LMF1: variants seen among roughly 807,000 people sequenced by gnomAD.
The protein encoded by LMF1 is lipase maturation factor 1.
In LMF1, 68 loss-of-function variants were observed where a neutral mutation model predicts 60.6. That is an observed-to-expected ratio of 1.12 (90% CI 0.92 to 1.37). The LOEUF (loss-of-function observed/expected upper bound fraction) is 1.37, where lower values mean the gene tolerates loss of function less well. LMF1 is among the 40% of genes most tolerant of loss of function. The pLI is 0.00. For missense variants in LMF1, 948 were observed against 767.2 expected, an observed-to-expected ratio of 1.24 and a Z score of -2.78; for synonymous variants, 418 against 324.7, an observed-to-expected ratio of 1.29 and a Z score of -3.09.
intron 2 of LMF1, among the ~76,000 whole-genome samples, chr16:951,905 G>A (rs1253692453): frequency 6.6e-6 from 1 of 152,250 alleles, no homozygotes; most frequent in Non-Finnish European, 1.5e-5. Context: ...GATGTGCGGG[G>A]GAGGTGCGTC....
At chr16:908,850 G>A (rs938868612) in intron 4 of LMF1, among the ~76,000 whole-genome samples, 1 of 152,246 alleles carries the variant, frequency 6.6e-6, no homozygotes, top group African/African-American at 2.4e-5. Flanking sequence ...GTGACATTGC[G>A]GACGGGTGCC....
chr16:916,960 T>G (rs1189429629), intron 3 of LMF1, among the ~76,000 whole-genome samples: 1 of 152,180 alleles, frequency 6.6e-6, no homozygotes, highest in Non-Finnish European at 1.5e-5. Flanking sequence ...AATATTGAGC[T>G]CCGGGTCTGT....
chr16:859,153 CAGTGGTGTCTCGGGACGGGTGTG>C (rs1567135669), intron 10 of LMF1, among the ~76,000 whole-genome samples: 56 of 79,180 alleles, frequency 7.1e-4, no homozygotes, highest in African/African-American at 2.2e-3. Context: ...GACGGGTGTG[CAGTGGTGTCTCGGGACGGGTGTG>C]AGTGGTGTCT....
chr16:892,615 A>G (rs2070522512), intron 5 of LMF1, among the ~76,000 whole-genome samples: 2 of 152,262 alleles, frequency 1.3e-5, no homozygotes, highest in South Asian at 2.1e-4. Context: ...ATGGAGCCAC[A>G]GTTCCGTGTG....
intron 1 of LMF1, chr16:979,234 G>A (rs1596192813): frequency 3.4e-5 from 13 of 381,862 alleles, no homozygotes; most frequent in South Asian, 2.3e-4. Flanking sequence ...GGAGGACGAG[G>A]TCATTTTCCT....
chr16:869,670 G>C (rs1381677746), intron 9 of LMF1: 6 of 656,230 alleles, frequency 9.1e-6, no homozygotes, highest in African/African-American at 3.6e-5. Context: ...GCAGACCCGG[G>C]GGGACGGTGG....
chr16:912,795 G>C (rs945940419), intron 3 of LMF1, among the ~76,000 whole-genome samples: 2 of 152,248 alleles, frequency 1.3e-5, no homozygotes, highest in African/African-American at 4.8e-5. Flanking sequence ...CTTTGCTTGG[G>C]TCTTGAGGAA....
rs570147225 is a variant in LMF1 at position 920,437 on chromosome 16, G to GAGCAAGAACT, written c.515-9368_515-9359dup. Among the ~76,000 whole-genome samples the GAGCAAGAACT allele has an allele frequency of 3.1e-3, 475 of 152,380 alleles. 3 individuals are homozygous for GAGCAAGAACT. Among genetic ancestry groups the GAGCAAGAACT allele is most frequent in the African/African-American group, 0.011 (452 of 41,594 alleles). ...TCGGAGGAAGGCCAGGCCCACTCCA[G>GAGCAAGAACT]AGCAAGAACTAAAATCTCCAGAGCA... On this transcript the variant is annotated intron_variant, in intron 3 of 10. Coordinates refer to ENST00000262301, the MANE Select transcript of LMF1 (RefSeq NM_022773.4).
In LMF1 at chr16:879,864, G is replaced by A; in HGVS notation, c.730-127C>T. The A allele has an allele frequency of 4.4e-6, 4 of 914,038 alleles. No individual in the cohort carries two copies. In the South Asian group the frequency reaches 7.0e-5, roughly 16 times the overall value. The allele number at this position is 914,038 out of a possible 1,614,324, so 56.6% of individuals were successfully genotyped here. A position where few individuals can be genotyped will look rare whatever the true frequency, so the allele number is the denominator to read the frequency against. ...CACACAGGATCCCCCCGGCCCGCCT[G>A]GCCCTGCACACGTGGAGCCCACCTG... On this transcript the variant is annotated intron_variant, in intron 5 of 10. Coordinates refer to ENST00000262301, the MANE Select transcript of LMF1 (RefSeq NM_022773.4).
At chr16:913,684 G>A (rs551690232) in intron 3 of LMF1, among the ~76,000 whole-genome samples, 1 of 152,362 alleles carries the variant, frequency 6.6e-6, no homozygotes, top group African/African-American at 2.4e-5. Flanking sequence ...GCAGGTAACT[G>A]TACTGTGCCA....
At chr16:966,683 C>G (rs1385736658) in intron 1 of LMF1, among the ~76,000 whole-genome samples, 2 of 152,224 alleles carry the variant, frequency 1.3e-5, no homozygotes, top group Admixed American at 1.3e-4. Context: ...GGGAAGTGTG[C>G]ACAGGCAAGG....
intron 6 of LMF1, chr16:872,265 G>C (rs74001091): frequency 0.043 from 6,549 of 152,248 alleles, 406 homozygotes; most frequent in African/African-American, 0.14. Flanking sequence ...CCGTCAGCCA[G>C]ATTTGATGCA....
At chr16:955,480 C>CATCTAAGTAAACTAG (rs1354305109) in intron 1 of LMF1, among the ~76,000 whole-genome samples, 1 of 149,884 alleles carries the variant, frequency 6.7e-6, no homozygotes, top group African/African-American at 2.5e-5. Context: ...TACACACACA[C>CATCTAAGTAAACTAG]ACACATCTAA....
chr16:871,533 G>C (rs567829355), intron 6 of LMF1, 192 bp from the exon 7 acceptor site: 7 of 605,796 alleles, frequency 1.2e-5, no homozygotes, highest in Non-Finnish European at 2.0e-5. Flanking sequence ...TGCCTCAGAG[G>C]TGCCTTCCGG....
intron 3 of LMF1, among the ~76,000 whole-genome samples, chr16:925,009 G>T (rs2071554331): frequency 1.3e-5 from 2 of 152,200 alleles, no homozygotes; most frequent in Admixed American, 1.3e-4. Context: ...GAGGGGAGGA[G>T]CGGGTGCAGT....
chr16:976,630 G>C, intron 1 of LMF1: 1 of 454,088 alleles, frequency 2.2e-6, no homozygotes, highest in Non-Finnish European at 4.4e-6. Context: ...GAGCAAATGC[G>C]TGCTGTTGGC....
intron 3 of LMF1, among the ~76,000 whole-genome samples, chr16:917,259 G>A (rs185680084): frequency 7.9e-5 from 12 of 152,178 alleles, no homozygotes; most frequent in East Asian, 1.9e-4. Context: ...CACATGCTGC[G>A]CAGGCCCACG....
intron 4 of LMF1, chr16:903,583 C>A: frequency 9.7e-6 from 1 of 103,358 alleles, no homozygotes; most frequent in Non-Finnish European, 1.9e-5. Context: ...ACGCCCGTCT[C>A]TGCTGCGTGG....
intron 4 of LMF1, among the ~76,000 whole-genome samples, chr16:896,535 G>C (rs769715736): frequency 1.3e-5 from 2 of 152,212 alleles, no homozygotes; most frequent in Non-Finnish European, 2.9e-5. Context: ...TTTCCCGCTT[G>C]GGCTCCTGTT....
Sources: allele counts gnomAD v4.1 joint callset (sites outside exome capture counted in the v4.1 genomes callset), GRCh38; gene constraint gnomAD v4.1.1; transcripts MANE v1.5; gene names NCBI Gene and HGNC (gene_info 2026-07-23, HGNC 2026-07-21).